The following HSD17B3 variants were observed in gnomAD, a reference collection of about 807,000 sequenced individuals.
HSD17B3 encodes 17-beta-hydroxysteroid dehydrogenase type 3.
Under a neutral mutation model 41.1 loss-of-function variants are expected in HSD17B3, and 29 were observed. The ratio of observed to expected loss-of-function variants is 0.71; its 90% confidence interval spans 0.53 to 0.96. HSD17B3 has a LOEUF of 0.96. HSD17B3 is among the 40% of genes least tolerant of loss of function. The probability of loss-of-function intolerance (pLI) is 0.00; values close to 1 mark genes in which losing one functional copy is unlikely to be tolerated. For synonymous variants in HSD17B3, 126 were observed against 145.6 expected (o/e 0.87, Z 0.97); for missense variants, 323 against 374.6 (o/e 0.86, Z 1.14).
chr9:96,271,943 C>CT (rs1366926136), intron 2 of HSD17B3, among the ~76,000 whole-genome samples: 1 of 152,054 alleles, frequency 6.6e-6, no homozygotes, highest in African/African-American at 2.4e-5. Flanking sequence ...CTTTATTTCT[C>CT]TTTTTGTACC....
At chr9:96,249,646 T>C in intron 6 of HSD17B3, 105 bp downstream of exon 6, 1 of 1,048,508 alleles carries the variant, frequency 9.5e-7, no homozygotes, top group Non-Finnish European at 1.5e-6. Context: ...TGTGGTTCGA[T>C]TTCAAAGAAT....
rs774942837 is a variant in HSD17B3 at position 96,302,147 on chromosome 9, T to C, written c.-43A>G. On this transcript the variant is annotated 5_prime_UTR_variant, in exon 1 of 11. Transcript: ENST00000375263. Reference sequence around the variant, plus strand: ...TGTTTCAGCCCTGGCCGTGGCTCTCTGTGTATGCCTCCTGGGACCACGCTG... The same window carrying C: ...TGTTTCAGCCCTGGCCGTGGCTCTCCGTGTATGCCTCCTGGGACCACGCTG... 1.0e-5 allele frequency: 16 copies of C among 1,604,066 alleles called. No individual in the cohort carries two copies. The highest frequency in any genetic ancestry group is 1.7e-5 in the Admixed American group (1 of 58,906).
chr9:96,247,244 G>A (rs935579368), intron 6 of HSD17B3: 2 of 154,554 alleles, frequency 1.3e-5, no homozygotes, highest in African/African-American at 2.4e-5. Flanking sequence ...ACAAATGAAG[G>A]AAGAGGCAAC....
intron 9 of HSD17B3, among the ~76,000 whole-genome samples, chr9:96,241,989 G>GAAAGAAAGAAAGAAAA (rs1836467079): frequency 1.6e-5 from 2 of 121,524 alleles, no homozygotes; most frequent in Non-Finnish European, 3.5e-5. Context: ...AAGAAAGAAA[G>GAAAGAAAGAAAGAAAA]AAAGAAAGAA....
intron 9 of HSD17B3, among the ~76,000 whole-genome samples, chr9:96,243,628 GT>G (rs1304331100): frequency 2.0e-5 from 3 of 152,206 alleles, no homozygotes; most frequent in Non-Finnish European, 4.4e-5. Flanking sequence ...CAAAAACTCT[GT>G]TTATTCTACG....
chr9:96,251,452 G>T lies in HSD17B3; in HGVS notation c.419C>A (p.Pro140Gln), dbSNP rs146271877. The T allele has an allele frequency of 1.2e-6, 2 of 1,614,162 alleles. No homozygotes were observed. Among genetic ancestry groups the T allele is most frequent in the Non-Finnish European group, 1.7e-6 (2 of 1,179,976 alleles). The change falls in exon 5 of 11, where the codon CCA becomes CAA. Residue 140 changes from proline to glutamine, a missense_variant. Pro to Gln is a moderately conservative substitution (Grantham distance 76). Coordinates refer to ENST00000375263, the MANE Select transcript of HSD17B3 (RefSeq NM_000197.2). ...ATCCGGTGCGTTCAGGAAATGGCTT[G>T]GGAGAAGGTTTGGAAGCATTCCGAC... Reference protein sequence around the residue: ...NNVGMLPNLLPSHFLNAPDEI... With the variant: ...NNVGMLPNLLQSHFLNAPDEI...
At chr9:96,254,836 C>T in intron 3 of HSD17B3, 32 bp downstream of exon 3, 2 of 1,589,960 alleles carry the variant, frequency 1.3e-6, no homozygotes, top group Non-Finnish European at 1.7e-6. Context: ...GAGGGCTCCA[C>T]ACACATCTCC....
chr9:96,258,940 T>G (rs1825762894), intron 2 of HSD17B3, among the ~76,000 whole-genome samples: 1 of 152,210 alleles, frequency 6.6e-6, no homozygotes, highest in Admixed American at 6.5e-5. Flanking sequence ...TAGCAGACCC[T>G]ATTTCACATT....
intron 2 of HSD17B3, among the ~76,000 whole-genome samples, chr9:96,265,227 C>T (rs1372270605): frequency 1.3e-5 from 2 of 152,218 alleles, no homozygotes; most frequent in Non-Finnish European, 2.9e-5. Context: ...GTCAATAGCC[C>T]TTAGAAAGTC....
chr9:96,300,660 C>G (rs1446918536), intron 1 of HSD17B3, among the ~76,000 whole-genome samples: 2 of 151,440 alleles, frequency 1.3e-5, no homozygotes, highest in African/African-American at 2.4e-5. Flanking sequence ...ATATAAGGCC[C>G]TGCAAAGACT....
chr9:96,249,581 A>G, intron 6 of HSD17B3, 170 bp downstream of exon 6: 1 of 658,184 alleles, frequency 1.5e-6, no homozygotes. Context: ...TGTATTTTCT[A>G]GATGAAAAAC....
At chr9:96,245,502 C>T in intron 7 of HSD17B3, 76 bp from the exon 8 acceptor site, 1 of 1,086,838 alleles carries the variant, frequency 9.2e-7, no homozygotes, top group African/African-American at 1.5e-5. Context: ...ACAAAGGGTC[C>T]CGTGTGAACA....
chr9:96,261,705 G>A (rs1825867633), intron 2 of HSD17B3, among the ~76,000 whole-genome samples: 1 of 152,190 alleles, frequency 6.6e-6, no homozygotes, highest in Non-Finnish European at 1.5e-5. Context: ...CCCAGAGAGG[G>A]AGACACGCAG....
At chr9:96,255,906 G>C (rs1825634558) in intron 2 of HSD17B3, among the ~76,000 whole-genome samples, 1 of 152,188 alleles carries the variant, frequency 6.6e-6, no homozygotes, top group African/African-American at 2.4e-5. Flanking sequence ...AAGGGGTGGG[G>C]AGCTGCGTGC....
chr9:96,300,227 C>T (rs1827532306), intron 1 of HSD17B3, among the ~76,000 whole-genome samples: 1 of 151,122 alleles, frequency 6.6e-6, no homozygotes, highest in Non-Finnish European at 1.5e-5. Context: ...CACACACACA[C>T]ACACACACAC....
intron 1 of HSD17B3, among the ~76,000 whole-genome samples, chr9:96,300,392 C>T (rs969638955): frequency 6.9e-6 from 1 of 144,122 alleles, no homozygotes; most frequent in Non-Finnish European, 1.5e-5. Context: ...AGAATGCCCA[C>T]TTAAATTTGA....
chr9:96,247,806 C>T (rs191846007), intron 6 of HSD17B3, among the ~76,000 whole-genome samples: 7 of 152,260 alleles, frequency 4.6e-5, no homozygotes, highest in Non-Finnish European at 8.8e-5. Flanking sequence ...TTCCAATGTT[C>T]AGTTTCTTAT....
At chr9:96,263,590 G>C (rs565922585) in intron 2 of HSD17B3, among the ~76,000 whole-genome samples, 5 of 151,914 alleles carry the variant, frequency 3.3e-5, no homozygotes, top group African/African-American at 1.2e-4. Flanking sequence ...AAAGCCAGGC[G>C]TGGTGGCGGG....
intron 2 of HSD17B3, among the ~76,000 whole-genome samples, chr9:96,288,308 C>T (rs1827003546): frequency 6.6e-6 from 1 of 152,222 alleles, no homozygotes; most frequent in Non-Finnish European, 1.5e-5. Context: ...GATTAAAAAA[C>T]TGACCCACAT....
Sources: allele counts gnomAD v4.1 joint callset (sites outside exome capture counted in the v4.1 genomes callset), GRCh38; gene constraint gnomAD v4.1.1; transcripts MANE v1.5; gene names NCBI Gene and HGNC (gene_info 2026-07-23, HGNC 2026-07-21).